Variants in ANOS1 observed in about 807,000 individuals in gnomAD.
ANOS1 encodes anosmin 1, also known as anosmin-1.
Under a neutral mutation model 59.0 loss-of-function variants are expected in ANOS1, and 6 were observed. The ratio of observed to expected loss-of-function variants is 0.10; its 90% CI spans 0.06 to 0.20. The LOEUF is 0.20. ANOS1 is among the 10% of genes least tolerant of loss of function. ANOS1 has a pLI of 1.00. For synonymous variants in ANOS1, 217 were observed against 223.4 expected, an observed-to-expected ratio of 0.97 and a Z score of 0.25; for missense variants, 433 against 542.3, an observed-to-expected ratio of 0.80 and a Z score of 2.00.
chrX:8,581,209 A>T (rs914209827), intron 6 of ANOS1, among the ~76,000 whole-genome samples: 6 of 111,109 alleles, frequency 5.4e-5, no homozygotes, highest in Admixed American at 2.9e-4. Context: ...TCATGGGGGC[A>T]GGTCTTTCTC....
At chrX:8,543,779 G>A (rs1336475014) in intron 9 of ANOS1, among the ~76,000 whole-genome samples, 9 of 110,994 alleles carry the variant, frequency 8.1e-5, no homozygotes, top group South Asian at 7.6e-4. Flanking sequence ...CAGGAGAATC[G>A]CTTGAACCCG....
At chrX:8,668,394 C>CATATATATATATATAT (rs202229567) in intron 2 of ANOS1, among the ~76,000 whole-genome samples, 10 of 51,562 alleles carry the variant, frequency 1.9e-4, no homozygotes, top group African/African-American at 2.9e-4. Context: ...AGTATTCCAT[C>CATATATATATATATAT]ATATATATAT....
At chrX:8,586,850 C>A (rs1397076877) in intron 5 of ANOS1, among the ~76,000 whole-genome samples, 4 of 96,892 alleles carry the variant, frequency 4.1e-5, no homozygotes, top group Non-Finnish European at 6.2e-5. Context: ...ATTTTGGGGT[C>A]TTTACATTGT....
intron 3 of ANOS1, among the ~76,000 whole-genome samples, chrX:8,606,247 T>G (rs1930941048): frequency 8.9e-6 from 1 of 112,336 alleles, no homozygotes; most frequent in Non-Finnish European, 1.9e-5. Context: ...ATTTACAAAA[T>G]TAAGCATACA....
At chrX:8,656,602 A>C (rs1242419858) in intron 2 of ANOS1, among the ~76,000 whole-genome samples, 2 of 111,215 alleles carry the variant, frequency 1.8e-5, no homozygotes, top group African/African-American at 6.5e-5. Flanking sequence ...ATCATTGCAA[A>C]TATCTTCTTA....
chrX:8,728,399 C>T (rs1459705487), intron 1 of ANOS1, among the ~76,000 whole-genome samples: 2 of 112,022 alleles, frequency 1.8e-5, no homozygotes, highest in Non-Finnish European at 1.9e-5. Flanking sequence ...TGTTTTGCAT[C>T]CTGATTGCAT....
intron 3 of ANOS1, among the ~76,000 whole-genome samples, chrX:8,605,732 G>A (rs1410047994): frequency 9.1e-6 from 1 of 109,547 alleles, no homozygotes; most frequent in South Asian, 3.9e-4. Context: ...ATAAATCAAA[G>A]GGCAGGTTAT....
chrX:8,699,693 C>T lies in ANOS1; in HGVS notation c.255+5G>A, dbSNP rs773138384. ...GCACCATTCATACAGGTATAGGAAA[C>T]GTACCTTAGAACATTGCTTGTGATT... On this transcript the variant is annotated splice_donor_5th_base_variant and intron_variant, in intron 2 of 13. Coordinates refer to ENST00000262648, the MANE Select transcript of ANOS1 (RefSeq NM_000216.4). 1.0e-5 allele frequency: 12 copies of T among 1,189,086 alleles called. No homozygotes were observed. In the African/African-American group the frequency reaches 1.1e-4, roughly 10 times the overall value.
chrX:8,647,872 C>T (rs1931786465), intron 2 of ANOS1, among the ~76,000 whole-genome samples: 1 of 111,826 alleles, frequency 8.9e-6, no homozygotes, highest in African/African-American at 3.2e-5. Flanking sequence ...TTTCTCATTT[C>T]AACACCCTGA....
At chrX:8,694,156 T>TTTC (rs1932648748) in intron 2 of ANOS1, among the ~76,000 whole-genome samples, 1 of 112,027 alleles carries the variant, frequency 8.9e-6, no homozygotes, top group Non-Finnish European at 1.9e-5. Context: ...GCCTAGGGCA[T>TTTC]AGTAGATGCT....
At chrX:8,612,127 T>C (rs1219271633) in intron 3 of ANOS1, among the ~76,000 whole-genome samples, 1 of 111,695 alleles carries the variant, frequency 9.0e-6, no homozygotes, top group Admixed American at 9.6e-5. Flanking sequence ...CATACTGTGT[T>C]CCAAAAAGCA....
At position 8,610,038 on chromosome X, in the gene ANOS1, AC is replaced by A. The variant is rs1395425950; in HGVS notation, c.319-12783del. Among the ~76,000 whole-genome samples, 195 of 47,085 alleles carry A rather than the reference AC, an allele frequency of 4.1e-3. 30 individuals carry two copies. Among genetic ancestry groups the A allele is most frequent in the African/African-American group, 0.012 (142 of 11,951 alleles). 40.9% of individuals were successfully genotyped at this position (47,085 alleles called of 115,157 possible). On this transcript the variant is annotated intron_variant, in intron 3 of 13. Coordinates refer to ENST00000262648, the MANE Select transcript of ANOS1 (RefSeq NM_000216.4). Reference sequence around the variant, plus strand: ...AAAAAAAAAAAAAAAAAAAAAAACAACAACCTTTAAAGAGCACCCATTTTTC... The same window carrying A: ...AAAAAAAAAAAAAAAAAAAAAAACAAAACCTTTAAAGAGCACCCATTTTTC...
intron 9 of ANOS1, among the ~76,000 whole-genome samples, chrX:8,552,283 A>G (rs1929869633): frequency 8.9e-6 from 1 of 112,168 alleles, no homozygotes; most frequent in South Asian, 3.7e-4. Flanking sequence ...CATTTTGGAA[A>G]ACTATTAATG....
intron 9 of ANOS1, among the ~76,000 whole-genome samples, chrX:8,548,326 A>G (rs1929803185): frequency 8.9e-6 from 1 of 112,350 alleles, no homozygotes; most frequent in Admixed American, 9.4e-5. Context: ...CAGTAGAGTC[A>G]TAAGTATTCT....
At chrX:8,627,211 T>G (rs1931411769) in intron 2 of ANOS1, among the ~76,000 whole-genome samples, 1 of 112,455 alleles carries the variant, frequency 8.9e-6, no homozygotes, top group African/African-American at 3.2e-5. Flanking sequence ...TGATTTTTGT[T>G]TTCTCTTATT....
chrX:8,590,728 T>C (rs143068359), intron 4 of ANOS1, among the ~76,000 whole-genome samples: 1 of 112,299 alleles, frequency 8.9e-6, no homozygotes, highest in Non-Finnish European at 1.9e-5. Context: ...CAAACCCACT[T>C]TCTTATTCTT....
At chrX:8,690,756 C>T (rs1024508502) in intron 2 of ANOS1, among the ~76,000 whole-genome samples, 1 of 112,029 alleles carries the variant, frequency 8.9e-6, no homozygotes, top group Non-Finnish European at 1.9e-5. Flanking sequence ...CAATCTTCCT[C>T]ACCTCTAAAC....
intron 2 of ANOS1, among the ~76,000 whole-genome samples, chrX:8,668,145 A>T (rs1457115773): frequency 9.3e-6 from 1 of 107,977 alleles, no homozygotes; most frequent in Non-Finnish European, 1.9e-5. Flanking sequence ...CGAGCAGTAT[A>T]CACTGAACCC....
intron 2 of ANOS1, among the ~76,000 whole-genome samples, chrX:8,682,329 C>CT (rs1224056709): frequency 1.9e-5 from 2 of 106,365 alleles, no homozygotes; most frequent in Non-Finnish European, 3.8e-5. Flanking sequence ...TAAGATCTGG[C>CT]TTTTTTCGGA....
Sources: gnomAD v4.1 joint callset for allele counts (sites outside exome capture counted in the v4.1 genomes callset) on GRCh38, gnomAD v4.1.1 for gene constraint, MANE v1.5 for transcripts, NCBI Gene and HGNC (gene_info 2026-07-23, HGNC 2026-07-21) for gene names.